The following TNFRSF8 variants were observed in gnomAD, a reference collection of about 807,000 sequenced individuals.
TNFRSF8 encodes TNF receptor superfamily member 8, also known as tumor necrosis factor receptor superfamily member 8.
In TNFRSF8, 26 loss-of-function variants were observed where a neutral mutation model predicts 70.8. The ratio of observed to expected loss-of-function variants is 0.37; its 90% CI spans 0.27 to 0.51. TNFRSF8 has a LOEUF of 0.51. TNFRSF8 is among the 20% of genes least tolerant of loss of function. The probability of loss-of-function intolerance (pLI) is 0.94; values close to 1 mark genes in which losing one functional copy is unlikely to be tolerated. For synonymous variants in TNFRSF8, 356 were observed against 339.2 expected, an observed-to-expected ratio of 1.05 and a Z score of -0.54; for missense variants, 720 against 807.9, an observed-to-expected ratio of 0.89 and a Z score of 1.32.
chr1:12,067,902 G>A (rs1640769878), intron 1 of TNFRSF8, among the ~76,000 whole-genome samples: 1 of 117,244 alleles, frequency 8.5e-6, no homozygotes, highest in African/African-American at 3.6e-5. Context: ...CGGCGGGGGG[G>A]CGGGGGGGGG....
intron 12 of TNFRSF8, among the ~76,000 whole-genome samples, chr1:12,129,372 G>A (rs1642004406): frequency 1.3e-5 from 2 of 152,190 alleles, no homozygotes; most frequent in South Asian, 2.1e-4. Context: ...TATTTTACAC[G>A]ATGTGGTAAG....
rs1359563336 is a variant in TNFRSF8, at chr1:12,142,361, C to T, written c.1618C>T (p.Leu540=). The T allele has an allele frequency of 1.9e-6, 3 of 1,609,210 alleles. No homozygotes were observed. The highest frequency in any genetic ancestry group is 4.5e-5 in the East Asian group (2 of 44,770). The part of the protein sequence containing the change: ...VKAELPEGRG[L]AGPAEPELEE... ...GGCTGAGCTGCCGGAGGGCCGGGGC[C>T]TGGCGGGGCCAGCAGAGCCCGAGTT... Residue 540 remains leucine (L), a synonymous_variant, in exon 15 of 15, where the codon CTG becomes TTG. Transcript: ENST00000263932. This position sits in a 1 kb window ranked among gnomAD's most constrained non-coding sequence, Gnocchi z 5.0.
rs974776223 is a variant in TNFRSF8, at chr1:12,143,773, G to A, written c.*1242G>A. 1 of 152,240 alleles carries A rather than the reference G, an allele frequency of 6.6e-6. No individual in the cohort carries two copies. The highest frequency in any genetic ancestry group is 1.5e-5 in the Non-Finnish European group (1 of 68,060). The allele number at this position is 152,240 out of a possible 1,614,324, so 9.4% of individuals were successfully genotyped here. ...GATAAGGATGAGTCTTGGAGTTGCG[G>A]GCAGCCTGGAGACTCGTGGACTTAC... is the stretch of plus-strand genomic sequence containing the variant. On this transcript the variant is annotated 3_prime_UTR_variant, in exon 15 of 15. Transcript: ENST00000263932. The surrounding 1 kb of genome is among the most constrained non-coding windows in gnomAD (Gnocchi z 4.1).
rs1041238069 is a variant in TNFRSF8 at position 12,142,603 on chromosome 1, C to T, written c.*72C>T. On this transcript the variant is annotated 3_prime_UTR_variant, in exon 15 of 15. Transcript: ENST00000263932. The surrounding 1 kb of genome is among the most constrained non-coding windows in gnomAD (Gnocchi z 5.0). Reference sequence around the variant, plus strand: ...GAGGCCAGGATGGCACTGTTGGCACCGAGGTTGGGGGCAGAGGCCCATCTG... The same window carrying T: ...GAGGCCAGGATGGCACTGTTGGCACTGAGGTTGGGGGCAGAGGCCCATCTG... The T allele has an allele frequency of 1.1e-5, 17 of 1,512,358 alleles. No homozygotes were observed. The highest frequency in any genetic ancestry group is 9.7e-5 in the African/African-American group (7 of 72,196). 93.7% of individuals were successfully genotyped at this position (1,512,358 alleles called of 1,614,324 possible). A position where few individuals can be genotyped will look rare whatever the true frequency, so the allele number is the denominator to read the frequency against.
chr1:12,065,492 G>C (rs984297396), intron 1 of TNFRSF8, among the ~76,000 whole-genome samples: 1 of 152,164 alleles, frequency 6.6e-6, no homozygotes, highest in Non-Finnish European at 1.5e-5. Flanking sequence ...CAAGTCTTTT[G>C]ACACCGCCTC....
Position 12,135,626 on chromosome 1 carries a change from C to T in TNFRSF8, c.1335+13C>T, listed in dbSNP as rs1642132198. The T allele has an allele frequency of 1.9e-6, 3 of 1,613,948 alleles. No homozygotes were observed. The highest frequency in any genetic ancestry group is 2.5e-6 in the Non-Finnish European group (3 of 1,179,988). ...GAGGAGCTCAACGGTAAGTACCCCT[C>T]CCTTGCCCCCACCTCAGCTTCGTGC... On this transcript the variant is annotated intron_variant, in intron 13 of 14. Transcript: ENST00000263932.
chr1:12,123,961 T>C, intron 10 of TNFRSF8, 134 bp downstream of exon 10: 1 of 724,464 alleles, frequency 1.4e-6, no homozygotes, highest in South Asian at 2.0e-5. Flanking sequence ...TGACCCCAGG[T>C]TTCTGGCTTC....
Position 12,142,265 on chromosome 1 carries a change from C to T in TNFRSF8, c.1544-22C>T, listed in dbSNP as rs767396966. On this transcript the variant is annotated intron_variant, in intron 14 of 14. Coordinates refer to ENST00000263932, the MANE Select transcript of TNFRSF8 (RefSeq NM_001243.5). This position sits in a 1 kb window ranked among gnomAD's most constrained non-coding sequence, Gnocchi z 5.0. ...GGCTGGTGCTCTGGCCTCCCTCGCT[C>T]ACCCATCCTTTTGCCTTGCAGAGAA... 2 of 1,561,908 alleles carry T rather than the reference C, an allele frequency of 1.3e-6. No homozygotes were observed. The highest frequency in any genetic ancestry group is 1.7e-6 in the Non-Finnish European group (2 of 1,150,312).
chr1:12,075,616 T>C (rs1640931313), intron 1 of TNFRSF8, among the ~76,000 whole-genome samples: 1 of 152,216 alleles, frequency 6.6e-6, no homozygotes, highest in South Asian at 2.1e-4. Context: ...CGATGCCATC[T>C]ACCACCCTGA....
At chr1:12,131,592 T>G (rs1231015901) in intron 12 of TNFRSF8, among the ~76,000 whole-genome samples, 3 of 152,184 alleles carry the variant, frequency 2.0e-5, no homozygotes, top group Admixed American at 6.5e-5. Context: ...CTTGACCTCC[T>G]GGGTTCAAGT....
chr1:12,142,733 C>A lies in TNFRSF8; in HGVS notation c.*202C>A. The stretch of plus-strand genomic sequence containing the variant: ...ACTTAGCTGTCCCCTGACCCAGAGC[C>A]TAGGGGATCCGGGGCTTGTACAGAA... On this transcript the variant is annotated 3_prime_UTR_variant, in exon 15 of 15. Coordinates refer to ENST00000263932, the MANE Select transcript of TNFRSF8 (RefSeq NM_001243.5). The surrounding 1 kb of genome is among the most constrained non-coding windows in gnomAD (Gnocchi z 5.0). 1.5e-6 allele frequency: 1 copy of A among 659,930 alleles called. No individual in the cohort carries two copies. Among genetic ancestry groups the A allele is most frequent in the Non-Finnish European group, 2.5e-6 (1 of 397,088 alleles). 40.9% of individuals were successfully genotyped at this position (659,930 alleles called of 1,614,324 possible).
At chr1:12,102,636 C>T (rs1432905276) in intron 3 of TNFRSF8, among the ~76,000 whole-genome samples, 3 of 152,180 alleles carry the variant, frequency 2.0e-5, no homozygotes, top group Non-Finnish European at 2.9e-5. Context: ...AGTGATTTTC[C>T]TGTCTCAGCC....
At chr1:12,135,683 G>A in intron 13 of TNFRSF8, 70 bp downstream of exon 13, 1 of 1,589,812 alleles carries the variant, frequency 6.3e-7, no homozygotes. Flanking sequence ...TAACAGATCT[G>A]AAGTTTTGAG....
At chr1:12,078,960 C>G (rs1353116846) in intron 1 of TNFRSF8, among the ~76,000 whole-genome samples, 1 of 152,196 alleles carries the variant, frequency 6.6e-6, no homozygotes, top group African/African-American at 2.4e-5. Flanking sequence ...AGGTGGTGCC[C>G]CTGCTGCTGG....
intron 1 of TNFRSF8, among the ~76,000 whole-genome samples, chr1:12,065,987 G>A (rs944433442): frequency 6.6e-6 from 1 of 152,194 alleles, no homozygotes; most frequent in Admixed American, 6.5e-5. Flanking sequence ...TTCCAGGGTG[G>A]CTGGACAATT....
In TNFRSF8 at chr1:12,113,807, C is replaced by T. The variant is rs903084092; in HGVS notation, c.794-1770C>T. On this transcript the variant is annotated intron_variant, in intron 7 of 14. Coordinates refer to ENST00000263932, the MANE Select transcript of TNFRSF8 (RefSeq NM_001243.5). The surrounding 1 kb of genome is among the most constrained non-coding windows in gnomAD (Gnocchi z 4.9). ...AGACAGACAGAGGCAGCAGCCACCC[C>T]TCCTTTTATGACCTGGCCTTGGAAG... Among the ~76,000 whole-genome samples, 1 of 152,314 alleles carries T rather than the reference C, an allele frequency of 6.6e-6. No homozygotes were observed. Among genetic ancestry groups the T allele is most frequent in the East Asian group, 1.9e-4 (1 of 5,188 alleles).
chr1:12,101,104 T>C (rs1164322066), intron 3 of TNFRSF8, among the ~76,000 whole-genome samples: 1 of 152,192 alleles, frequency 6.6e-6, no homozygotes, highest in Non-Finnish European at 1.5e-5. Context: ...CAGTTAACTT[T>C]TGTTTTAATA....
intron 8 of TNFRSF8, among the ~76,000 whole-genome samples, chr1:12,116,655 G>T (rs1367763097): frequency 6.6e-6 from 1 of 152,076 alleles, no homozygotes; most frequent in African/African-American, 2.4e-5. Flanking sequence ...ACACAAATTA[G>T]CTGGGTGTGG....
intron 1 of TNFRSF8, chr1:12,078,059 A>T (rs1236627983): frequency 2.0e-5 from 3 of 152,274 alleles, no homozygotes; most frequent in African/African-American, 7.2e-5. Context: ...GGAAGACAGT[A>T]GATCGTGTTT....
Sources: gnomAD v4.1 joint callset for allele counts (sites outside exome capture counted in the v4.1 genomes callset) on GRCh38, gnomAD v4.1.1 for gene constraint, Gnocchi (gnomAD v3.1) non-coding constraint, MANE v1.5 for transcripts, NCBI Gene and HGNC (gene_info 2026-07-23, HGNC 2026-07-21) for gene names.